Variants in SAMD4B observed in about 807,000 individuals in gnomAD.
The protein encoded by SAMD4B is sterile alpha motif domain containing 4B, also known as protein Smaug homolog 2.
A neutral mutation model predicts 74.5 loss-of-function variants in SAMD4B; 5 were observed. The observed-to-expected ratio is 0.07, with a 90% CI of 0.04 to 0.14. The LOEUF is 0.14. Ranked by LOEUF, SAMD4B falls within the 10% of genes least tolerant of loss-of-function variation. The pLI, the probability that SAMD4B is intolerant of heterozygous loss-of-function variation, is 1.00. For synonymous variants in SAMD4B, 373 were observed against 374.9 expected (o/e 1.00, Z 0.06); for missense variants, 608 against 921.8 (o/e 0.66, Z 4.41).
In SAMD4B at chr19:39,385,496, C is replaced by T. The variant is rs2078224014; in HGVS notation, c.*1969C>T. ...CACTCTGATGGGCAGGACCCTGACC[C>T]TCTCCCGCTCCAGCCCCCTCCCCAG... On this transcript the variant is annotated 3_prime_UTR_variant, in exon 14 of 14. Coordinates refer to ENST00000610417, the MANE Select transcript of SAMD4B (RefSeq NM_001384574.2). 1 of 458,586 alleles carries T rather than the reference C, an allele frequency of 2.2e-6. No homozygotes were observed. Among genetic ancestry groups the T allele is most frequent in the East Asian group, 3.2e-5 (1 of 31,244 alleles). 28.4% of individuals were successfully genotyped at this position (458,586 alleles called of 1,614,324 possible). A position where few individuals can be genotyped will look rare whatever the true frequency, so the allele number is the denominator to read the frequency against.
At chr19:39,343,993 C>CACACA (rs531057476) in intron 1 of SAMD4B, among the ~76,000 whole-genome samples, 54 of 104,342 alleles carry the variant, frequency 5.2e-4, no homozygotes, top group Non-Finnish European at 8.7e-4. Flanking sequence ...CCCCCCCCCC[C>CACACA]CACACACACA....
chr19:39,389,793 G>T (rs368782097), downstream of SAMD4B: 49 of 1,613,308 alleles, frequency 3.0e-5, no homozygotes, highest in Non-Finnish European at 2.6e-5. This position sits in a 1 kb window ranked among gnomAD's most constrained non-coding sequence, Gnocchi z 5.3. Context: ...GTGGTGTTTG[G>T]ATTCCAGCTT....
chr19:39,343,623 C>G (rs2075479532), intron 1 of SAMD4B, among the ~76,000 whole-genome samples: 1 of 151,824 alleles, frequency 6.6e-6, no homozygotes, highest in African/African-American at 2.4e-5. Context: ...CCTCATGTAG[C>G]CCAGTGATCT....
rs755058629 is a variant in SAMD4B at position 39,369,657 on chromosome 19, A to G, written c.199A>G (p.Ile67Val). Residue 67 changes from isoleucine to valine, a missense_variant and splice_region_variant, in exon 4 of 14, where the codon ATC becomes GTC. Ile to Val is a conservative substitution (Grantham distance 29). Coordinates refer to ENST00000610417, the MANE Select transcript of SAMD4B (RefSeq NM_001384574.2). ...ATTTCTTCTTATCCCTTCTGTAGCC[A>G]TCGTCAGCCAGTGGCAGCAGGAGTC... ...LLESEANSAA[I>V]VSQWQQESKE... 2 of 1,613,750 alleles carry G rather than the reference A, an allele frequency of 1.2e-6. No individual in the cohort carries two copies. The highest frequency in any genetic ancestry group is 3.3e-5 in the Admixed American group (2 of 60,000).
chr19:39,389,438 C>T, downstream of SAMD4B: 4 of 1,609,494 alleles, frequency 2.5e-6, no homozygotes, highest in Non-Finnish European at 3.4e-6. The surrounding 1 kb of genome is among the most constrained non-coding windows in gnomAD (Gnocchi z 5.3). Context: ...CTTGTAGGGC[C>T]CACCTGAGCC....
intron 1 of SAMD4B, among the ~76,000 whole-genome samples, chr19:39,343,152 C>T (rs2075428683): frequency 6.6e-6 from 1 of 151,914 alleles, no homozygotes; most frequent in Non-Finnish European, 1.5e-5. Context: ...CCCAAGGCTC[C>T]CTCCGGACCC....
chr19:39,370,792 T>A lies in SAMD4B; in HGVS notation c.667+667T>A, dbSNP rs76609635. ...ATTTTTCAGCATTGACTATGCTAGGTACTCTTTTATAGACACTTTTCAGGT... is the reference window on the plus strand; with the variant it reads ...ATTTTTCAGCATTGACTATGCTAGGAACTCTTTTATAGACACTTTTCAGGT... On this transcript the variant is annotated intron_variant, in intron 4 of 13. Transcript: ENST00000610417. 8.6e-3 allele frequency among the ~76,000 whole-genome samples: 1,311 copies of A among 152,370 alleles called. 12 individuals are homozygous for A. Among genetic ancestry groups the A allele is most frequent in the Non-Finnish European group, 0.014 (959 of 68,042 alleles).
downstream of SAMD4B, chr19:39,386,782 C>T (rs756249298): frequency 3.1e-6 from 5 of 1,613,662 alleles, no homozygotes; most frequent in South Asian, 2.2e-5. This position sits in a 1 kb window ranked among gnomAD's most constrained non-coding sequence, Gnocchi z 6.1. Context: ...CTTGGCCCGG[C>T]GCTTACTAAG....
downstream of SAMD4B, chr19:39,388,389 G>A (rs766659723): frequency 6.2e-7 from 1 of 1,614,146 alleles, no homozygotes; most frequent in Admixed American, 1.7e-5. Flanking sequence ...GGAAGATGAA[G>A]AAGTAGTTTT....
Position 39,380,788 on chromosome 19 carries a change from A to G in SAMD4B, c.1848+3A>G. Reference sequence around the variant, plus strand: ...GCCTTGGAGGCCAGGGCCGACAGGTAAGCTGGCTGGAAGCAGGGGCCTGGC... The same window carrying G: ...GCCTTGGAGGCCAGGGCCGACAGGTGAGCTGGCTGGAAGCAGGGGCCTGGC... On this transcript the variant is annotated splice_donor_region_variant and intron_variant, in intron 11 of 13. Coordinates refer to ENST00000610417, the MANE Select transcript of SAMD4B (RefSeq NM_001384574.2). 6.5e-7 allele frequency: 1 copy of G among 1,534,614 alleles called. No individual in the cohort carries two copies. The highest frequency in any genetic ancestry group is 8.7e-7 in the Non-Finnish European group (1 of 1,142,902).
chr19:39,386,978 AAAGG>A (rs1293789453), downstream of SAMD4B, among the ~76,000 whole-genome samples: 1 of 152,206 alleles, frequency 6.6e-6, no homozygotes, highest in Non-Finnish European at 1.5e-5. The surrounding 1 kb of genome is among the most constrained non-coding windows in gnomAD (Gnocchi z 6.1). Flanking sequence ...AGGGCAGGGG[AAAGG>A]AAGGATGGCT....
At chr19:39,347,022 CAT>C (rs1350183106) in intron 1 of SAMD4B, among the ~76,000 whole-genome samples, 1 of 152,052 alleles carries the variant, frequency 6.6e-6, no homozygotes, top group East Asian at 1.9e-4. Context: ...ACTCTAAAAA[CAT>C]AAAGTGATAG....
At chr19:39,381,136 C>T (rs1378419720) in intron 12 of SAMD4B, 23 bp downstream of exon 12, 4 of 1,568,922 alleles carry the variant, frequency 2.5e-6, no homozygotes, top group Non-Finnish European at 3.4e-6. Flanking sequence ...ACCCTTGGGA[C>T]TCTGCCTGGC....
downstream of SAMD4B, chr19:39,385,780 A>C (rs2078232040): frequency 1.5e-6 from 1 of 681,300 alleles, no homozygotes; most frequent in Admixed American, 3.0e-5. Context: ...TCAAGCCAAG[A>C]TCCTTGAGCA....
chr19:39,367,808 G>A (rs2077055969), intron 3 of SAMD4B, among the ~76,000 whole-genome samples: 1 of 151,370 alleles, frequency 6.6e-6, no homozygotes. Flanking sequence ...CACGCCCAGT[G>A]CTAATAAGGT....
At chr19:39,346,695 G>T (rs1269391156) in intron 1 of SAMD4B, among the ~76,000 whole-genome samples, 1 of 152,086 alleles carries the variant, frequency 6.6e-6, no homozygotes, top group Non-Finnish European at 1.5e-5. Context: ...TAGTGCCTTG[G>T]GTCAAAAAGT....
rs1465675840 is a variant in SAMD4B, at chr19:39,378,164, G to A, written c.1444+340G>A. 6.6e-6 allele frequency among the ~76,000 whole-genome samples: 1 copy of A among 152,152 alleles called. No individual in the cohort carries two copies. Among genetic ancestry groups the A allele is most frequent in the Non-Finnish European group, 1.5e-5 (1 of 68,040 alleles). On this transcript the variant is annotated intron_variant, in intron 8 of 13. Coordinates refer to ENST00000610417, the MANE Select transcript of SAMD4B (RefSeq NM_001384574.2). This position sits in a 1 kb window ranked among gnomAD's most constrained non-coding sequence, Gnocchi z 4.4. ...GACCAAAGTCCAGGGGATGGGGATG[G>A]TGAAATTTATCACAGCTTCAGCCTT...
intron 3 of SAMD4B, among the ~76,000 whole-genome samples, chr19:39,368,011 G>A (rs568087784): frequency 4.0e-5 from 6 of 151,634 alleles, no homozygotes; most frequent in East Asian, 2.0e-4. Context: ...TCAGGAGATC[G>A]AGACCATCTT....
chr19:39,376,106 C>T (rs755384503), intron 5 of SAMD4B, among the ~76,000 whole-genome samples: 2 of 152,146 alleles, frequency 1.3e-5, no homozygotes, highest in Non-Finnish European at 2.9e-5. Flanking sequence ...AGCCCCCTGT[C>T]TTCACACACC....
Sources: gnomAD v4.1 joint callset for allele counts (sites outside exome capture counted in the v4.1 genomes callset) on GRCh38, gnomAD v4.1.1 for gene constraint, Gnocchi (gnomAD v3.1) non-coding constraint, MANE v1.5 for transcripts, NCBI Gene and HGNC (gene_info 2026-07-23, HGNC 2026-07-21) for gene names.